SHMT1: variants seen among roughly 807,000 people sequenced by gnomAD.
SHMT1 encodes serine hydroxymethyltransferase 1.
SHMT1 carries 45 observed loss-of-function variants against 49.0 expected under a neutral mutation model. That is an observed-to-expected ratio of 0.92 (90% CI 0.72 to 1.18). The LOEUF (loss-of-function observed/expected upper bound fraction) is 1.18, where lower values mean the gene tolerates loss of function less well. Ranked by LOEUF, SHMT1 falls within the 50% of genes most tolerant of loss-of-function variation. The pLI is 0.00. For missense variants in SHMT1, 541 were observed against 612.4 expected (o/e 0.88, Z 1.23); for synonymous variants, 232 against 246.6 (o/e 0.94, Z 0.55).
Position 18,340,709 on chromosome 17 carries a change from TGA to T in SHMT1, c.601+21_601+22del. ...GGCACCAGGCTACTGGTGAACAAGG[TGA>T]CTTTCCGCCCCGCGCATCACCTGCG... On this transcript the variant is annotated intron_variant, in intron 6 of 11. Transcript: ENST00000316694. The surrounding 1 kb of genome is among the most constrained non-coding windows in gnomAD (Gnocchi z 4.5). 1 of 1,599,994 alleles carries T rather than the reference TGA, an allele frequency of 6.3e-7. No homozygotes were observed. Among genetic ancestry groups the T allele is most frequent in the South Asian group, 1.1e-5 (1 of 88,396 alleles).
chr17:18,348,593 G>C (rs766297359), intron 3 of SHMT1, 153 bp from the exon 4 acceptor site: 3 of 742,282 alleles, frequency 4.0e-6, no homozygotes, highest in Non-Finnish European at 7.4e-6. Context: ...AAGCCAGCAT[G>C]ATCAAGTGTT....
intron 9 of SHMT1, 42 bp from the exon 10 acceptor site, chr17:18,330,713 ATGCCG>A: frequency 7.1e-7 from 1 of 1,407,586 alleles, no homozygotes; most frequent in Non-Finnish European, 1.0e-6. Context: ...GGCGAATTCT[ATGCCG>A]TGAAGGAATC....
rs745769604 is a variant in SHMT1 at position 18,329,284 on chromosome 17, G to A, written c.1276C>T (p.His426Tyr). The A allele has an allele frequency of 2.5e-6, 4 of 1,609,574 alleles. No homozygotes were observed. The South Asian group carries it at 4.4e-5, about 18-fold the overall frequency. ...TCCAAACTTTTATCCTTACCTCTGT[G>A]AATAAAGTGGGCTACTTTTTGGAAG... ...KDFQKVAHFI[H>Y]RGIELTLQIQ... is the part of the protein sequence containing the mutation. The change falls in exon 11 of 12, where the codon CAC becomes TAC. Residue 426 changes from histidine to tyrosine, a missense_variant. Physicochemically the swap from His to Tyr is moderately conservative, Grantham distance 83. Coordinates refer to ENST00000316694, the MANE Select transcript of SHMT1 (RefSeq NM_004169.5).
intron 4 of SHMT1, 54 bp downstream of exon 4, chr17:18,348,271 C>A: frequency 1.7e-6 from 2 of 1,177,950 alleles, no homozygotes. Flanking sequence ...GCATGTCGGC[C>A]CTGGGGGATG....
At chr17:18,333,322 G>C (rs780491484) in intron 8 of SHMT1, 34 bp from the exon 9 acceptor site, 30 of 1,608,488 alleles carry the variant, frequency 1.9e-5, no homozygotes, top group Non-Finnish European at 2.5e-5. Context: ...CAGGAGGCTA[G>C]GATAGAATCA....
rs547737838 is a variant in SHMT1 at position 18,334,862 on chromosome 17, C to T, written c.931+697G>A. Among the ~76,000 whole-genome samples, 4 of 152,278 alleles carry T rather than the reference C, an allele frequency of 2.6e-5. No homozygotes were observed. In the East Asian group the frequency reaches 5.8e-4, roughly 22 times the overall value. On this transcript the variant is annotated intron_variant, in intron 8 of 11. Transcript: ENST00000316694. ...GGTGTGATGGGAGAACATGAGAACA[C>T]ACCCGGGACCCCAGCTCCTTCCACC...
In SHMT1 at chr17:18,353,835, G is replaced by A; in HGVS notation, c.97-18C>T. On this transcript the variant is annotated intron_variant, in intron 2 of 11. Coordinates refer to ENST00000316694, the MANE Select transcript of SHMT1 (RefSeq NM_004169.5). ...TTGTAAACCTTATGAGAAGAAAACA[G>A]ATGCTTGATATTTGGAAATTTTAGT... 3 of 1,613,358 alleles carry A rather than the reference G, an allele frequency of 1.9e-6. No individual in the cohort carries two copies. The South Asian group carries it at 3.3e-5, about 18-fold the overall frequency.
At position 18,329,401 on chromosome 17, in the gene SHMT1, C is replaced by G. The variant is rs187645139; in HGVS notation, c.1172-13G>C. 1.2e-6 allele frequency: 2 copies of G among 1,600,492 alleles called. No homozygotes were observed. The highest frequency in any genetic ancestry group is 2.7e-5 in the African/African-American group (2 of 74,754). ...GCGCTTCTGTCACCTACAAGATAAA[C>G]GGGGCTCTGTCCCTAAGTCACATTG... On this transcript the variant is annotated splice_polypyrimidine_tract_variant and intron_variant, in intron 10 of 11. Coordinates refer to ENST00000316694, the MANE Select transcript of SHMT1 (RefSeq NM_004169.5).
chr17:18,335,722 C>T (rs1983721414), intron 7 of SHMT1, 47 bp from the exon 8 acceptor site: 2 of 1,366,720 alleles, frequency 1.5e-6, no homozygotes, highest in African/African-American at 2.9e-5. Flanking sequence ...GCTGTCCCCT[C>T]TTTTTCTTTT....
At chr17:18,337,619 C>G (rs902215821) in intron 7 of SHMT1, among the ~76,000 whole-genome samples, 3 of 146,338 alleles carry the variant, frequency 2.1e-5, no homozygotes, top group African/African-American at 7.5e-5. Flanking sequence ...CCTCTGATGC[C>G]GAGCCGAAGC....
At position 18,361,451 on chromosome 17, in the gene SHMT1, C is replaced by G. The variant is rs1384217124; in HGVS notation, c.-20+1921G>C. Among the ~76,000 whole-genome samples, 5 of 150,664 alleles carry G rather than the reference C, an allele frequency of 3.3e-5. No homozygotes were observed. In the East Asian group the frequency reaches 9.7e-4, roughly 29 times the overall value. On this transcript the variant is annotated intron_variant, in intron 1 of 11. Coordinates refer to ENST00000316694, the MANE Select transcript of SHMT1 (RefSeq NM_004169.5). ...CGAGATCATGCCACTGCACTCCAGC[C>G]TGGGTGACAGAGCTAGACTCCGTTT...
Position 18,329,343 on chromosome 17 carries a change from G to A in SHMT1, c.1217C>T (p.Pro406Leu). The A allele has an allele frequency of 6.2e-7, 1 of 1,612,948 alleles. No individual in the cohort carries two copies. The highest frequency in any genetic ancestry group is 8.5e-7 in the Non-Finnish European group (1 of 1,179,986). Reference protein sequence around the residue: ...LRPSGLRLGTPALTSRGLLEK... With the variant: ...LRPSGLRLGTLALTSRGLLEK... ...CAAAAGTCCACGGGACGTCAGTGCTGGGGTCCCCAGCCGCAGTCCACTGGG... is the reference window on the plus strand; with the variant it reads ...CAAAAGTCCACGGGACGTCAGTGCTAGGGTCCCCAGCCGCAGTCCACTGGG... Residue 406 changes from proline (P) to leucine (L), a missense_variant, in exon 11 of 12, where the codon CCA becomes CTA. Transcript: ENST00000316694.
intron 7 of SHMT1, among the ~76,000 whole-genome samples, chr17:18,338,323 C>T (rs1391721585): frequency 2.6e-5 from 4 of 151,632 alleles, no homozygotes; most frequent in Non-Finnish European, 5.9e-5. Context: ...AAGTGAGGAG[C>T]ATCTCTGCCC....
intron 11 of SHMT1, 70 bp from the exon 12 acceptor site, chr17:18,328,989 G>T: frequency 1.3e-6 from 2 of 1,583,724 alleles, no homozygotes; most frequent in Non-Finnish European, 1.7e-6. Context: ...TGGGGGCCGA[G>T]GCACAAATGT....
chr17:18,351,628 G>A (rs1357369184), intron 3 of SHMT1, among the ~76,000 whole-genome samples: 1 of 151,986 alleles, frequency 6.6e-6, no homozygotes, highest in Admixed American at 6.6e-5. Flanking sequence ...AAATAAGTTA[G>A]TCGGGTGTGG....
intron 1 of SHMT1, among the ~76,000 whole-genome samples, chr17:18,356,898 CT>C (rs1450622825): frequency 1.3e-5 from 2 of 152,116 alleles, no homozygotes; most frequent in Non-Finnish European, 2.9e-5. Context: ...TATAGCTTAT[CT>C]CCCACAACTA....
At chr17:18,334,978 G>A (rs1272118392) in intron 8 of SHMT1, among the ~76,000 whole-genome samples, 2 of 152,210 alleles carry the variant, frequency 1.3e-5, no homozygotes, top group Non-Finnish European at 2.9e-5. Flanking sequence ...CCTTCATCCT[G>A]AGCCCCTTAG....
At chr17:18,331,690 C>A (rs529703329) in intron 9 of SHMT1, 1 of 152,398 alleles carries the variant, frequency 6.6e-6, no homozygotes, top group East Asian at 1.9e-4. Context: ...ACCAGCATCA[C>A]CCAAGGCCTG....
chr17:18,350,320 G>A (rs1288783192), intron 3 of SHMT1, among the ~76,000 whole-genome samples: 1 of 152,030 alleles, frequency 6.6e-6, no homozygotes, highest in Non-Finnish European at 1.5e-5. Flanking sequence ...GACAGAGTGA[G>A]ACTCCGTCTC....
Sources: gnomAD v4.1 joint callset for allele counts (sites outside exome capture counted in the v4.1 genomes callset) on GRCh38, gnomAD v4.1.1 for gene constraint, Gnocchi (gnomAD v3.1) non-coding constraint, MANE v1.5 for transcripts, NCBI Gene and HGNC (gene_info 2026-07-23, HGNC 2026-07-21) for gene names.